The following DPH6 variants were observed in gnomAD, a reference collection of about 807,000 sequenced individuals.
DPH6 encodes the protein diphthine--ammonia ligase.
In DPH6, 33 loss-of-function variants were observed where a neutral mutation model predicts 38.2. That is an observed-to-expected ratio of 0.86 (90% CI 0.65 to 1.15). The LOEUF is 1.15. Among genes scored for constraint, DPH6 ranks in the 50% most tolerant of loss-of-function variants. DPH6 has a pLI of 0.00. For synonymous variants in DPH6, 108 were observed against 103.0 expected (o/e 1.05, Z -0.30); for missense variants, 325 against 320.0 (o/e 1.02, Z -0.12).
At chr15:35,387,539 C>T (rs1372719143) in intron 6 of DPH6, among the ~76,000 whole-genome samples, 2 of 152,146 alleles carry the variant, frequency 1.3e-5, no homozygotes, top group African/African-American at 2.4e-5. Flanking sequence ...TTGTAGTTCT[C>T]CTTGAAGAGG....
the DPH6 span, among the ~76,000 whole-genome samples, chr15:35,206,898 C>T: frequency 1.3e-5 from 2 of 152,150 alleles, no homozygotes; most frequent in African/African-American, 4.8e-5. Context: ...AGCCTCCTTT[C>T]CCCGTTGATT....
intron 3 of DPH6, among the ~76,000 whole-genome samples, chr15:35,253,895 C>T (rs941775130): frequency 9.9e-5 from 15 of 152,180 alleles, no homozygotes; most frequent in Admixed American, 8.5e-4. Context: ...AACCTTCAAA[C>T]GGCATCAGAT....
chr15:35,453,240 T>C (rs1344492576), intron 4 of DPH6, among the ~76,000 whole-genome samples: 1 of 152,182 alleles, frequency 6.6e-6, no homozygotes, highest in African/African-American at 2.4e-5. Flanking sequence ...GTGATTGTGT[T>C]TTGAGAAAGT....
chr15:35,237,320 C>T (rs900495352), intron 3 of DPH6: 16 of 1,586,986 alleles, frequency 1.0e-5, no homozygotes, highest in Middle Eastern at 1.7e-4. Context: ...GCAGAGAACG[C>T]GAGAGATGAA....
At chr15:35,349,124 C>G (rs2052487092) in intron 3 of DPH6, among the ~76,000 whole-genome samples, 2 of 151,976 alleles carry the variant, frequency 1.3e-5, no homozygotes, top group South Asian at 4.2e-4. Context: ...TTTACTTCTT[C>G]CTTTCTGATT....
At chr15:35,521,045 T>A in intron 3 of DPH6, 1 of 985,240 alleles carries the variant, frequency 1.0e-6, no homozygotes, top group Non-Finnish European at 1.2e-6. Flanking sequence ...AGATGGTATG[T>A]AGATTTCATT....
intron 3 of DPH6, among the ~76,000 whole-genome samples, chr15:35,504,506 T>A (rs1179456035): frequency 6.6e-6 from 1 of 151,790 alleles, no homozygotes; most frequent in Non-Finnish European, 1.5e-5. Flanking sequence ...AAAAAAAACC[T>A]CTATCATAAC....
rs571660596 is a variant in DPH6 at position 35,385,139 on chromosome 15, GA to G, written c.568-3224del. Among the ~76,000 whole-genome samples, 445 of 152,288 alleles carry G rather than the reference GA, an allele frequency of 2.9e-3. 1 individual carries two copies. The highest frequency in any genetic ancestry group is 9.8e-3 in the African/African-American group (409 of 41,540). On this transcript the variant is annotated intron_variant, in intron 6 of 8. Transcript: ENST00000256538. ...AACAACAGATGCTGGAGAGGATGTG[GA>G]AAAATAGGAACACTTTTACACTGTT...
At chr15:35,492,580 C>T (rs1206767144) in intron 3 of DPH6, among the ~76,000 whole-genome samples, 3 of 152,236 alleles carry the variant, frequency 2.0e-5, no homozygotes, top group South Asian at 2.1e-4. Flanking sequence ...CTGGCCACCA[C>T]GGACTGAGAT....
chr15:35,162,340 G>A, the DPH6 span, among the ~76,000 whole-genome samples: 8 of 151,822 alleles, frequency 5.3e-5, no homozygotes, highest in Non-Finnish European at 1.2e-4. Context: ...TGCCTAAGAG[G>A]GATCTCAAAT....
chr15:35,175,932 A>G, the DPH6 span, among the ~76,000 whole-genome samples: 1 of 152,054 alleles, frequency 6.6e-6, no homozygotes, highest in Non-Finnish European at 1.5e-5. Context: ...TCTGAGAGAA[A>G]CTCTCTCAGG....
At chr15:35,425,541 TAGAA>T (rs1025014896) in intron 5 of DPH6, among the ~76,000 whole-genome samples, 3 of 151,198 alleles carry the variant, frequency 2.0e-5, no homozygotes, top group Non-Finnish European at 4.4e-5. Flanking sequence ...GAGATACAGG[TAGAA>T]AGACAAATTT....
At chr15:35,445,991 T>G (rs989626353) in intron 5 of DPH6, among the ~76,000 whole-genome samples, 1 of 152,182 alleles carries the variant, frequency 6.6e-6, no homozygotes, top group Non-Finnish European at 1.5e-5. Flanking sequence ...ACTGTAAACC[T>G]CGAGTAACAA....
At chr15:35,148,212 T>C in the DPH6 span, among the ~76,000 whole-genome samples, 1 of 152,238 alleles carries the variant, frequency 6.6e-6, no homozygotes. Flanking sequence ...TTCTGCCACC[T>C]CTTTTAAGTT....
At chr15:35,185,565 T>C in the DPH6 span, among the ~76,000 whole-genome samples, 5 of 152,232 alleles carry the variant, frequency 3.3e-5, no homozygotes, top group East Asian at 1.9e-4. Context: ...CTGATTACTG[T>C]CTGGAAGGTA....
intron 6 of DPH6, among the ~76,000 whole-genome samples, chr15:35,387,489 C>T (rs1238738559): frequency 3.9e-5 from 6 of 152,260 alleles, no homozygotes; most frequent in Middle Eastern, 3.4e-3. Flanking sequence ...GAATATTCTT[C>T]CATTTGTTTG....
chr15:35,420,499 A>G (rs1286645815), intron 5 of DPH6, among the ~76,000 whole-genome samples: 1 of 152,120 alleles, frequency 6.6e-6, no homozygotes, highest in African/African-American at 2.4e-5. Flanking sequence ...TCAATAAAAC[A>G]GAGTTTTATT....
At chr15:35,238,565 CT>C (rs1348777275) in intron 3 of DPH6, among the ~76,000 whole-genome samples, 1 of 152,202 alleles carries the variant, frequency 6.6e-6, no homozygotes, top group Admixed American at 6.5e-5. Context: ...TTCTGTGGTT[CT>C]CTTTCTCTTC....
In DPH6 at chr15:35,302,356, GT is replaced by G. The variant is rs2052060091; in HGVS notation, n.200+71164del. 7.2e-5 allele frequency among the ~76,000 whole-genome samples: 11 copies of G among 152,116 alleles called. No homozygotes were observed. The South Asian group carries it at 2.3e-3, about 32-fold the overall frequency. ...GTAGTAGATAAAACATCCTTTCATTGTTTCAGCTCACAAGCTGTGCAGATCC... is the reference window on the plus strand; with the variant it reads ...GTAGTAGATAAAACATCCTTTCATTGTTCAGCTCACAAGCTGTGCAGATCC... On this transcript the variant is annotated intron_variant and non_coding_transcript_variant, in intron 3 of 3. Coordinates refer to the DPH6 transcript ENST00000560386.
Sources: gnomAD v4.1 joint callset for allele counts (sites outside exome capture counted in the v4.1 genomes callset) on GRCh38, gnomAD v4.1.1 for gene constraint, MANE v1.5 for transcripts, NCBI Gene and HGNC (gene_info 2026-07-23, HGNC 2026-07-21) for gene names.